The following LAMA3 variants were observed in gnomAD, a reference collection of about 807,000 sequenced individuals.
LAMA3 encodes the protein laminin subunit alpha 3.
A neutral mutation model predicts 402.0 loss-of-function variants in LAMA3; 281 were observed. The ratio of observed to expected loss-of-function variants is 0.70; its 90% CI spans 0.63 to 0.77. The LOEUF (loss-of-function observed/expected upper bound fraction) is 0.77. LAMA3 is among the 30% of genes least tolerant of loss of function. LAMA3 has a pLI of 0.00. For synonymous variants in LAMA3, 1,431 were observed against 1,558.4 expected, an observed-to-expected ratio of 0.92 and a Z score of 1.93; for missense variants, 3,840 against 4,215.5, an observed-to-expected ratio of 0.91 and a Z score of 2.47.
Position 23,710,270 on chromosome 18 carries a change from C to T in LAMA3, c.295-3650C>T, listed in dbSNP as rs143955748. 206 of 549,422 alleles carry T rather than the reference C, an allele frequency of 3.7e-4. 2 individuals are homozygous for T. Among genetic ancestry groups the T allele is most frequent in the African/African-American group, 3.7e-3 (193 of 52,034 alleles). The allele number at this position is 549,422 out of a possible 1,614,324, so 34.0% of individuals were successfully genotyped here. ...CTTTAGGAGGGACAGGAGCTTCCTTCTTCGCCTTCGGCGCCATCTTGTGAA... is the reference window on the plus strand; with the variant it reads ...CTTTAGGAGGGACAGGAGCTTCCTTTTTCGCCTTCGGCGCCATCTTGTGAA... On this transcript the variant is annotated intron_variant, in intron 1 of 74. Coordinates refer to ENST00000313654, the MANE Select transcript of LAMA3 (RefSeq NM_198129.4).
At chr18:23,792,749 TTAGTGTAC>T (rs1489258346) in intron 12 of LAMA3, among the ~76,000 whole-genome samples, 5 of 152,086 alleles carry the variant, frequency 3.3e-5, no homozygotes, top group Non-Finnish European at 5.9e-5. Flanking sequence ...TGGCCTGTAC[TTAGTGTAC>T]TGGGGCAAGG....
At chr18:23,946,379 A>C in intron 70 of LAMA3, 95 bp downstream of exon 70, 1 of 1,276,272 alleles carries the variant, frequency 7.8e-7, no homozygotes, top group South Asian at 1.2e-5. Context: ...CCATATGAGA[A>C]TCTCAAAATA....
At chr18:23,835,976 A>T (rs1329176186) in intron 24 of LAMA3, among the ~76,000 whole-genome samples, 1 of 152,206 alleles carries the variant, frequency 6.6e-6, no homozygotes, top group Non-Finnish European at 1.5e-5. Context: ...TGATTAGATC[A>T]ATCTGGTTAT....
In LAMA3 at chr18:23,899,320, G is replaced by A; in HGVS notation, c.5869G>A (p.Glu1957Lys). Residue 1957 changes from glutamate (E) to lysine (K), a missense_variant, in exon 47 of 75, where the codon GAG becomes AAG. By Grantham distance (56) the Glu-to-Lys change is moderately conservative. Around this residue, in one of 3 missense-constraint regions of LAMA3, gnomAD observed 891 missense variants for 857.5 expected, o/e 1.04. Transcript: ENST00000313654. ...AAAGCAGATCTCTGGGACAGATGGA[G>A]AGGGAAACAACGTGCCTTCAGGTGA... is the stretch of plus-strand genomic sequence containing the variant. ...LLKQISGTDG[E>K]GNNVPSGDFS... 1.9e-6 allele frequency: 3 copies of A among 1,613,988 alleles called. No individual in the cohort carries two copies. The highest frequency in any genetic ancestry group is 1.7e-6 in the Non-Finnish European group (2 of 1,180,008).
intron 38 of LAMA3, among the ~76,000 whole-genome samples, chr18:23,874,809 C>G (rs2064650668): frequency 6.6e-6 from 1 of 152,180 alleles, no homozygotes; most frequent in African/African-American, 2.4e-5. Context: ...TTTCCTGATG[C>G]TTTCAAGATA....
intron 2 of LAMA3, among the ~76,000 whole-genome samples, chr18:23,729,406 A>G (rs1398687016): frequency 6.6e-6 from 1 of 152,178 alleles, no homozygotes; most frequent in East Asian, 1.9e-4. Context: ...TAGTAAAAAT[A>G]TTTGTCTTTT....
At chr18:23,711,715 T>C (rs1309443462) in intron 1 of LAMA3, among the ~76,000 whole-genome samples, 3 of 152,180 alleles carry the variant, frequency 2.0e-5, no homozygotes, top group Non-Finnish European at 1.5e-5. Flanking sequence ...ATCTGTAAAA[T>C]AGAGGTGATA....
chr18:23,826,625 G>T, intron 21 of LAMA3, 77 bp from the exon 22 acceptor site: 1 of 1,041,828 alleles, frequency 9.6e-7, no homozygotes, highest in Non-Finnish European at 1.5e-6. Flanking sequence ...GATTTAACTA[G>T]TATGTTTGAT....
Position 23,839,732 on chromosome 18 carries a change from C to T in LAMA3, c.3192-53C>T. On this transcript the variant is annotated intron_variant, in intron 26 of 74. Coordinates refer to ENST00000313654, the MANE Select transcript of LAMA3 (RefSeq NM_198129.4). This position sits in a 1 kb window ranked among gnomAD's most constrained non-coding sequence, Gnocchi z 4.5. ...TCTGTCTCTTCACTGATGGTCAGTT[C>T]TGTAGCTTTGGGTTCTTTTAAAAAT... 6.3e-7 allele frequency: 1 copy of T among 1,597,166 alleles called. No individual in the cohort carries two copies. The highest frequency in any genetic ancestry group is 8.6e-7 in the Non-Finnish European group (1 of 1,164,946).
intron 1 of LAMA3, among the ~76,000 whole-genome samples, chr18:23,694,813 A>G (rs2060654596): frequency 6.6e-6 from 1 of 152,140 alleles, no homozygotes; most frequent in African/African-American, 2.4e-5. Flanking sequence ...GAGCTTCCTG[A>G]GGGTGGGGCC....
At chr18:23,779,958 T>C (rs1447303305) in intron 11 of LAMA3, among the ~76,000 whole-genome samples, 2 of 152,160 alleles carry the variant, frequency 1.3e-5, no homozygotes, top group African/African-American at 4.8e-5. Context: ...CTGGGCCACT[T>C]GAGGACAGCA....
chr18:23,745,368 C>T (rs1336693834), intron 2 of LAMA3, among the ~76,000 whole-genome samples: 1 of 152,164 alleles, frequency 6.6e-6, no homozygotes, highest in East Asian at 1.9e-4. Flanking sequence ...GCAGAAAGTA[C>T]AACTTTAGAA....
intron 2 of LAMA3, among the ~76,000 whole-genome samples, chr18:23,734,283 C>T (rs746955619): frequency 4.6e-5 from 7 of 152,160 alleles, no homozygotes; most frequent in African/African-American, 1.7e-4. Flanking sequence ...TAACAGAAAA[C>T]GGGACCATGG....
rs148353274 is a variant in LAMA3 at position 23,890,019 on chromosome 18, C to T, written c.5312C>T (p.Pro1771Leu). ...YTGTQCERCA[P>L]GYFGNPQKFG... ...CTCTATATTTTGTGTAGGTGTGCAC[C>T]GGGATATTTCGGGAATCCCCAGAAA... Residue 1771 changes from proline to leucine, a missense_variant, in exon 42 of 75, where the codon CCG becomes CTG. Coordinates refer to ENST00000313654, the MANE Select transcript of LAMA3 (RefSeq NM_198129.4). The T allele has an allele frequency of 4.2e-5, 67 of 1,612,654 alleles. No individual in the cohort carries two copies. Among genetic ancestry groups the T allele is most frequent in the Middle Eastern group, 1.6e-4 (1 of 6,080 alleles).
intron 62 of LAMA3, among the ~76,000 whole-genome samples, chr18:23,924,903 T>A (rs1448681056): frequency 6.6e-6 from 1 of 152,160 alleles, no homozygotes; most frequent in Non-Finnish European, 1.5e-5. Context: ...TAGAGGCCAG[T>A]CAAAAGATTT....
intron 12 of LAMA3, among the ~76,000 whole-genome samples, chr18:23,786,941 T>C (rs570439161): frequency 6.6e-6 from 1 of 152,038 alleles, no homozygotes; most frequent in African/African-American, 2.4e-5. Flanking sequence ...TAATGACAGA[T>C]TGATAGAGAT....
At chr18:23,919,430 C>T (rs1037205482) in intron 60 of LAMA3, among the ~76,000 whole-genome samples, 2 of 152,204 alleles carry the variant, frequency 1.3e-5, no homozygotes, top group East Asian at 1.9e-4. Flanking sequence ...ATATGGCTCC[C>T]GCCCTCCGGG....
intron 1 of LAMA3, among the ~76,000 whole-genome samples, chr18:23,697,652 G>T (rs1311804231): frequency 6.6e-6 from 1 of 152,002 alleles, no homozygotes; most frequent in African/African-American, 2.4e-5. Context: ...TGGATTTTTG[G>T]ATTAGAAATG....
intron 1 of LAMA3, among the ~76,000 whole-genome samples, chr18:23,711,434 G>A (rs2145898440): frequency 6.6e-6 from 1 of 152,318 alleles, no homozygotes; most frequent in South Asian, 2.1e-4. Flanking sequence ...GAGCTGCAGA[G>A]GGACTGCTAT....
Sources: allele counts gnomAD v4.1 joint callset (sites outside exome capture counted in the v4.1 genomes callset), GRCh38; gene constraint gnomAD v4.1.1; regional missense constraint gnomAD v4.1.1; non-coding constraint Gnocchi (gnomAD v3.1); transcripts MANE v1.5; gene names NCBI Gene and HGNC (gene_info 2026-07-23, HGNC 2026-07-21).